ARSK: variants seen among roughly 807,000 people sequenced by gnomAD.
The protein encoded by ARSK is arylsulfatase K.
In ARSK, 37 loss-of-function variants were observed where a neutral mutation model predicts 53.2. The ratio of observed to expected loss-of-function variants is 0.70; its 90% CI spans 0.54 to 0.92. The LOEUF is 0.92. ARSK is among the 40% of genes least tolerant of loss of function. The pLI, the probability that ARSK is intolerant of heterozygous loss-of-function variation, is 0.00. For missense variants in ARSK, 613 were observed against 643.0 expected, an observed-to-expected ratio of 0.95 and a Z score of 0.51; for synonymous variants, 208 against 223.2, an observed-to-expected ratio of 0.93 and a Z score of 0.61.
rs745875292 is a variant in ARSK at position 95,583,000 on chromosome 5, G to A, written c.501G>A (p.Arg167=). The part of the protein sequence containing the change: ...GRPMVNLIRN[R]TKVRVMERDW... Reference sequence around the variant, plus strand: ...CCATGGTTAATCTTATCCGTAACAGGACTAAAGTCAGAGTGATGGAAAGGG... The same window carrying A: ...CCATGGTTAATCTTATCCGTAACAGAACTAAAGTCAGAGTGATGGAAAGGG... The change falls in exon 4 of 8, where the codon AGG becomes AGA. Residue 167 remains arginine (R), a synonymous_variant. Coordinates refer to ENST00000380009, the MANE Select transcript of ARSK (RefSeq NM_198150.3). The A allele has an allele frequency of 1.9e-6, 3 of 1,613,822 alleles. No individual in the cohort carries two copies. The highest frequency in any genetic ancestry group is 2.2e-5 in the South Asian group (2 of 91,054).
intron 1 of ARSK, among the ~76,000 whole-genome samples, chr5:95,558,393 G>A (rs1273132596): frequency 6.6e-6 from 1 of 152,036 alleles, no homozygotes; most frequent in Non-Finnish European, 1.5e-5. Flanking sequence ...AAGAAACAGA[G>A]GATGGAAAAA....
intron 3 of ARSK, among the ~76,000 whole-genome samples, chr5:95,578,665 G>A (rs905389138): frequency 1.3e-5 from 2 of 152,172 alleles, no homozygotes; most frequent in African/African-American, 4.8e-5. Flanking sequence ...CTAAGTCTGA[G>A]ATAGTTAATC....
At chr5:95,586,263 C>A (rs1167713046) in intron 4 of ARSK, among the ~76,000 whole-genome samples, 1 of 152,086 alleles carries the variant, frequency 6.6e-6, no homozygotes, top group African/African-American at 2.4e-5. Flanking sequence ...GGATACTTTT[C>A]TGGATTAGCA....
intron 1 of ARSK, among the ~76,000 whole-genome samples, chr5:95,563,050 A>G (rs1748668537): frequency 6.6e-6 from 1 of 152,216 alleles, no homozygotes; most frequent in South Asian, 2.1e-4. Flanking sequence ...TATTCTACTG[A>G]CCGTCTCCCA....
At chr5:95,562,214 A>C (rs1334784206) in intron 1 of ARSK, among the ~76,000 whole-genome samples, 1 of 138,610 alleles carries the variant, frequency 7.2e-6, no homozygotes, top group African/African-American at 3.2e-5. Context: ...CTGTCTCAAA[A>C]AAAATAAATA....
At chr5:95,578,801 TAA>T (rs1019606474) in intron 3 of ARSK, among the ~76,000 whole-genome samples, 1 of 152,210 alleles carries the variant, frequency 6.6e-6, no homozygotes, top group Non-Finnish European at 1.5e-5. Flanking sequence ...TGTTACTATG[TAA>T]ACTAATCCTG....
At chr5:95,595,179 A>G (rs1212026659) in intron 6 of ARSK, among the ~76,000 whole-genome samples, 1 of 152,228 alleles carries the variant, frequency 6.6e-6, no homozygotes, top group Non-Finnish European at 1.5e-5. Flanking sequence ...AAAGTCAAAA[A>G]GCAACAGATG....
intron 1 of ARSK, among the ~76,000 whole-genome samples, chr5:95,557,898 C>T (rs1748553119): frequency 6.6e-6 from 1 of 152,206 alleles, no homozygotes; most frequent in South Asian, 2.1e-4. Flanking sequence ...TGTCTGGAAA[C>T]TGTCCTAAGG....
intron 6 of ARSK, 131 bp from the exon 7 acceptor site, chr5:95,600,716 A>G (rs1242595685): frequency 1.0e-6 from 1 of 958,438 alleles, no homozygotes; most frequent in Non-Finnish European, 1.6e-6. Flanking sequence ...CCTGTTTACA[A>G]AATCCATATA....
intron 5 of ARSK, among the ~76,000 whole-genome samples, chr5:95,587,560 A>C (rs1404078793): frequency 6.6e-6 from 1 of 152,210 alleles, no homozygotes; most frequent in African/African-American, 2.4e-5. Flanking sequence ...ATACAGCAAG[A>C]AGCAAAAAGG....
At chr5:95,563,707 C>T (rs192308002) in intron 1 of ARSK, among the ~76,000 whole-genome samples, 2 of 152,294 alleles carry the variant, frequency 1.3e-5, no homozygotes, top group East Asian at 1.9e-4. Flanking sequence ...CAATTTGAAC[C>T]TAGCCTGCAG....
chr5:95,590,864 C>T (rs1289369613), intron 5 of ARSK, among the ~76,000 whole-genome samples: 1 of 152,110 alleles, frequency 6.6e-6, no homozygotes, highest in Non-Finnish European at 1.5e-5. Context: ...TGCTTCCAGC[C>T]CTTCTTCAAA....
At chr5:95,593,933 G>A (rs903216612) in intron 6 of ARSK, among the ~76,000 whole-genome samples, 1 of 152,100 alleles carries the variant, frequency 6.6e-6, no homozygotes, top group Non-Finnish European at 1.5e-5. Context: ...TGCAGAATAT[G>A]TTTTATTAAC....
At chr5:95,557,246 C>CTA (rs372509821) in intron 1 of ARSK, among the ~76,000 whole-genome samples, 1 of 152,020 alleles carries the variant, frequency 6.6e-6, no homozygotes, top group African/African-American at 2.4e-5. Context: ...AGACCACAGT[C>CTA]TGAGTGTTAG....
chr5:95,587,140 C>T (rs1468151086), intron 5 of ARSK, among the ~76,000 whole-genome samples: 1 of 152,090 alleles, frequency 6.6e-6, no homozygotes, highest in African/African-American at 2.4e-5. Context: ...TTATAATAAC[C>T]ATGAAACAAA....
At chr5:95,556,234 C>T (rs1444914810) in intron 1 of ARSK, 1 of 702,010 alleles carries the variant, frequency 1.4e-6, no homozygotes, top group African/African-American at 1.7e-5. Context: ...ATTACATAGT[C>T]TGGATGTGCC....
chr5:95,593,810 GT>G (rs34910134), intron 6 of ARSK, among the ~76,000 whole-genome samples: 218 of 151,886 alleles, frequency 1.4e-3, no homozygotes, highest in Non-Finnish European at 2.5e-3. Context: ...GCACCTGTAG[GT>G]TTTTTTCCTG....
intron 3 of ARSK, among the ~76,000 whole-genome samples, chr5:95,575,890 A>T (rs1748915966): frequency 1.3e-5 from 2 of 152,144 alleles, no homozygotes; most frequent in Admixed American, 6.5e-5. Context: ...TCTTTCTCTT[A>T]TCTTATTAGC....
chr5:95,598,773 C>G (rs1749351962), intron 6 of ARSK, among the ~76,000 whole-genome samples: 1 of 152,206 alleles, frequency 6.6e-6, no homozygotes, highest in South Asian at 2.1e-4. Flanking sequence ...CTCACTTACT[C>G]TACTCCAGCC....
Sources: allele counts gnomAD v4.1 joint callset (sites outside exome capture counted in the v4.1 genomes callset), GRCh38; gene constraint gnomAD v4.1.1; transcripts MANE v1.5; gene names NCBI Gene and HGNC (gene_info 2026-07-23, HGNC 2026-07-21).